Variants in CEMIP observed in about 807,000 individuals in gnomAD.
CEMIP encodes cell migration inducing hyaluronidase 1, also known as cell migration-inducing and hyaluronan-binding protein.
Under a neutral mutation model 156.9 loss-of-function variants are expected in CEMIP, and 105 were observed. The ratio of observed to expected loss-of-function variants is 0.67; its 90% CI spans 0.57 to 0.79. The LOEUF (loss-of-function observed/expected upper bound fraction) is 0.79. Among genes scored for constraint, CEMIP ranks in the 30% least tolerant of loss-of-function variants. The pLI is 0.00. For missense variants in CEMIP, 1,457 were observed against 1,769.4 expected, an observed-to-expected ratio of 0.82 and a Z score of 3.17; for synonymous variants, 676 against 668.4, an observed-to-expected ratio of 1.01 and a Z score of -0.17.
intron 13 of CEMIP, among the ~76,000 whole-genome samples, chr15:80,908,687 A>G (rs1048685005): frequency 6.6e-6 from 1 of 152,120 alleles, no homozygotes; most frequent in South Asian, 2.1e-4. Flanking sequence ...TTGCTGCTCC[A>G]TACTTCACTG....
chr15:80,894,237 G>A (rs1272998148), intron 10 of CEMIP, among the ~76,000 whole-genome samples: 1 of 152,190 alleles, frequency 6.6e-6, no homozygotes, highest in Non-Finnish European at 1.5e-5. Context: ...CCACCTTAGG[G>A]CAAGAGTGGA....
intron 1 of CEMIP, among the ~76,000 whole-genome samples, chr15:80,863,959 C>G (rs966851867): frequency 2.6e-5 from 4 of 152,190 alleles, no homozygotes; most frequent in Admixed American, 2.6e-4. Flanking sequence ...CTCCCCTCCC[C>G]TCTCTTCTCC....
chr15:80,904,324 G>A (rs1168319236), intron 12 of CEMIP, among the ~76,000 whole-genome samples: 3 of 152,144 alleles, frequency 2.0e-5, no homozygotes, highest in South Asian at 2.1e-4. Context: ...CCAGGAGTTC[G>A]AGACTACAGT....
chr15:80,835,081 CA>C (rs1897241206), intron 1 of CEMIP, among the ~76,000 whole-genome samples: 1 of 150,654 alleles, frequency 6.6e-6, no homozygotes, highest in African/African-American at 2.4e-5. Flanking sequence ...GTCCTCATTG[CA>C]GAGAGAGAGA....
intron 1 of CEMIP, among the ~76,000 whole-genome samples, chr15:80,796,000 T>C (rs2141590413): frequency 1.3e-5 from 2 of 152,334 alleles, no homozygotes; most frequent in South Asian, 4.1e-4. Context: ...CATGTTGCAA[T>C]TTATTATTGC....
chr15:80,911,527 CCACACACACA>C (rs10596688), intron 14 of CEMIP, among the ~76,000 whole-genome samples: 2 of 149,062 alleles, frequency 1.3e-5, no homozygotes, highest in African/African-American at 4.9e-5. Context: ...GGAAAATACA[CCACACACACA>C]CACACACACA....
intron 3 of CEMIP, among the ~76,000 whole-genome samples, chr15:80,878,461 T>C (rs1898541403): frequency 6.6e-6 from 1 of 152,234 alleles, no homozygotes; most frequent in Non-Finnish European, 1.5e-5. Flanking sequence ...CTTTATTTAT[T>C]AAATGGGGAA....
chr15:80,816,520 C>T (rs930652065), intron 1 of CEMIP, among the ~76,000 whole-genome samples: 2 of 152,188 alleles, frequency 1.3e-5, no homozygotes, highest in African/African-American at 2.4e-5. Flanking sequence ...AAATAAGCCA[C>T]ACCTCCTGGC....
chr15:80,839,409 G>A (rs190520136), intron 1 of CEMIP, among the ~76,000 whole-genome samples: 2 of 152,104 alleles, frequency 1.3e-5, no homozygotes, highest in Admixed American at 1.3e-4. Context: ...CCCAAGTGGG[G>A]GAGGGAGAAG....
chr15:80,849,311 T>C (rs1411200188), intron 1 of CEMIP, among the ~76,000 whole-genome samples: 4 of 152,030 alleles, frequency 2.6e-5, no homozygotes, highest in Admixed American at 6.6e-5. Flanking sequence ...AGAGTCCATG[T>C]CTCTCTCTTG....
chr15:80,784,241 C>G (rs1040891779), intron 1 of CEMIP, among the ~76,000 whole-genome samples: 2 of 152,224 alleles, frequency 1.3e-5, no homozygotes, highest in African/African-American at 4.8e-5. Context: ...TTCTTTCTCT[C>G]CTGTCAGTAG....
At chr15:80,825,303 G>C (rs1415696566) in intron 1 of CEMIP, among the ~76,000 whole-genome samples, 4 of 152,152 alleles carry the variant, frequency 2.6e-5, no homozygotes, top group Non-Finnish European at 4.4e-5. Flanking sequence ...ACCTATGGTA[G>C]CATTACCTTC....
intron 1 of CEMIP, among the ~76,000 whole-genome samples, chr15:80,865,396 G>A (rs1470291739): frequency 6.6e-6 from 1 of 151,956 alleles, no homozygotes; most frequent in African/African-American, 2.4e-5. Context: ...TGGCCAGGAT[G>A]GTCTCTATCT....
intron 1 of CEMIP, among the ~76,000 whole-genome samples, chr15:80,831,810 C>T (rs1897163363): frequency 6.6e-6 from 1 of 152,158 alleles, no homozygotes; most frequent in South Asian, 2.1e-4. Context: ...TGTTGTCTTT[C>T]TTGTCAGAGG....
intron 1 of CEMIP, among the ~76,000 whole-genome samples, chr15:80,831,791 G>A (rs1370147072): frequency 6.6e-6 from 1 of 152,196 alleles, no homozygotes; most frequent in Non-Finnish European, 1.5e-5. Context: ...CTGACCACAA[G>A]TCACAGCTTG....
intron 18 of CEMIP, 146 bp downstream of exon 18, chr15:80,924,852 T>A: frequency 1.3e-6 from 1 of 775,116 alleles, no homozygotes; most frequent in East Asian, 2.7e-5. Flanking sequence ...GGGGGTACAA[T>A]GGTGAAAACC....
rs1313046293 is a variant in CEMIP at position 80,936,876 on chromosome 15, A to C, written c.3212A>C (p.Asn1071Thr). Reference sequence around the variant, plus strand: ...GCCGAACTCGCCATCTGGCTCATCAACTTCAACAAGTGAGTGGGTGTCCAG... The same window carrying C: ...GCCGAACTCGCCATCTGGCTCATCACCTTCAACAAGTGAGTGGGTGTCCAG... ...APAELAIWLI[N>T]FNKGDWIRVG... Residue 1071 changes from asparagine (N) to threonine (T), a missense_variant, in exon 24 of 30, where the codon AAC becomes ACC. Around this residue, in one of 5 missense-constraint regions of CEMIP, gnomAD observed 798 missense variants for 980.1 expected, o/e 0.81. Coordinates refer to ENST00000394685, the MANE Select transcript of CEMIP (RefSeq NM_001293298.2). 6.2e-7 allele frequency: 1 copy of C among 1,613,982 alleles called. No individual in the cohort carries two copies. The highest frequency in any genetic ancestry group is 1.3e-5 in the African/African-American group (1 of 74,928).
chr15:80,881,013 A>G lies in CEMIP; in HGVS notation c.494A>G (p.Asn165Ser), dbSNP rs772742080. Residue 165 changes from asparagine to serine, a missense_variant, in exon 6 of 30, where the codon AAC becomes AGC. Physicochemically the swap from Asn to Ser is conservative, Grantham distance 46. This residue lies in a region of CEMIP where 309 missense variants were observed against 340.8 expected (regional missense o/e 0.91). Coordinates refer to ENST00000394685, the MANE Select transcript of CEMIP (RefSeq NM_001293298.2). ...GQKKLSWTFLNKTLHPGGMAE... is the reference protein window; with the variant it reads ...GQKKLSWTFLSKTLHPGGMAE... ...AAAAAGCTCTCCTGGACATTTCTGAACAAGACCCTTCACCCAGGTGGCATG... is the reference window on the plus strand; with the variant it reads ...AAAAAGCTCTCCTGGACATTTCTGAGCAAGACCCTTCACCCAGGTGGCATG... 121 of 1,614,100 alleles carry G rather than the reference A, an allele frequency of 7.5e-5. No individual in the cohort carries two copies. Among genetic ancestry groups the G allele is most frequent in the Non-Finnish European group, 9.7e-5 (115 of 1,180,038 alleles).
intron 1 of CEMIP, among the ~76,000 whole-genome samples, chr15:80,788,064 G>A (rs1045396289): frequency 1.3e-5 from 2 of 152,148 alleles, no homozygotes; most frequent in Non-Finnish European, 2.9e-5. Flanking sequence ...GGTCTCCAGT[G>A]CCTCCCAGGC....
Sources: gnomAD v4.1 joint callset for allele counts (sites outside exome capture counted in the v4.1 genomes callset) on GRCh38, gnomAD v4.1.1 for gene constraint, gnomAD v4.1.1 regional missense constraint, MANE v1.5 for transcripts, NCBI Gene and HGNC (gene_info 2026-07-23, HGNC 2026-07-21) for gene names.